The following PATE1 variants were observed in gnomAD, a reference collection of about 807,000 sequenced individuals.
PATE1 encodes the protein prostate and testis expressed 1.
PATE1 carries 21 observed loss-of-function variants against 13.1 expected under a neutral mutation model. The ratio of observed to expected loss-of-function variants is 1.61; its 90% CI spans 1.14 to 2.31. The LOEUF (loss-of-function observed/expected upper bound fraction) is 2.31. PATE1 is among the 30% of genes most tolerant of loss of function. The pLI is 0.00. For missense variants in PATE1, 166 were observed against 147.2 expected (o/e 1.13, Z -0.66); for synonymous variants, 52 against 47.1 (o/e 1.10, Z -0.43).
intron 4 of PATE1, 99 bp from the exon 5 acceptor site, chr11:125,748,501 C>T: frequency 7.2e-7 from 1 of 1,392,858 alleles, no homozygotes; most frequent in Non-Finnish European, 9.7e-7. Flanking sequence ...CTTTGAACTA[C>T]ACAAGATTAT....
chr11:125,747,144 T>C (rs533117926), intron 2 of PATE1, among the ~76,000 whole-genome samples: 2 of 152,170 alleles, frequency 1.3e-5, no homozygotes, highest in Non-Finnish European at 2.9e-5. Flanking sequence ...CTGCATCCTA[T>C]AGGAATGGGT....
At position 125,748,890 on chromosome 11, in the gene PATE1, C is replaced by G; in HGVS notation, c.*157C>G. 2.3e-6 allele frequency: 2 copies of G among 868,312 alleles called. No homozygotes were observed. The highest frequency in any genetic ancestry group is 3.4e-6 in the Non-Finnish European group (2 of 586,320). The allele number at this position is 868,312 out of a possible 1,614,324, so 53.8% of individuals were successfully genotyped here. A position where few individuals can be genotyped will look rare whatever the true frequency, so the allele number is the denominator to read the frequency against. On this transcript the variant is annotated 3_prime_UTR_variant, in exon 5 of 5. Coordinates refer to ENST00000305738, the MANE Select transcript of PATE1 (RefSeq NM_138294.3). The stretch of plus-strand genomic sequence containing the variant: ...CATCTTCTGCACACGAAAGGAAAGT[C>G]CCTCTCCTTTTCTACAGTCTCTGTC...
In PATE1 at chr11:125,748,607, T is replaced by C. The variant is rs1291000250; in HGVS notation, c.255T>C (p.Gly85=). ...CMVGRMFKRD[G]NPWLTFMGCL... ...TTTTTCTCCCCTCCACAGGGGATGG[T>C]AATCCCTGGTTAACCTTCATGGGCT... The change falls in exon 5 of 5, where the codon GGT becomes GGC. Residue 85 remains glycine, a synonymous_variant. Transcript: ENST00000305738. 5.6e-6 allele frequency: 9 copies of C among 1,613,514 alleles called. No individual in the cohort carries two copies. Among genetic ancestry groups the C allele is most frequent in the Non-Finnish European group, 7.6e-6 (9 of 1,179,796 alleles).
At chr11:125,747,041 C>T (rs931708396) in intron 2 of PATE1, among the ~76,000 whole-genome samples, 16 of 152,128 alleles carry the variant, frequency 1.1e-4, no homozygotes, top group Admixed American at 3.9e-4. Context: ...AGATTCCAGG[C>T]ACCCACAGGT....
intron 3 of PATE1, 81 bp from the exon 4 acceptor site, chr11:125,747,619 C>T: frequency 6.3e-7 from 1 of 1,583,322 alleles, no homozygotes; most frequent in Non-Finnish European, 8.6e-7. Context: ...TCTAGGCAGA[C>T]TTCTAACCCA....
In PATE1 at chr11:125,746,442, T is replaced by C. The variant is rs1258051751; in HGVS notation, c.52+86T>C. 5 of 1,458,768 alleles carry C rather than the reference T, an allele frequency of 3.4e-6. No individual in the cohort carries two copies. The East Asian group carries it at 9.1e-5, about 27-fold the overall frequency. The allele number at this position is 1,458,768 out of a possible 1,614,324, so 90.4% of individuals were successfully genotyped here. On this transcript the variant is annotated intron_variant, in intron 1 of 4. Transcript: ENST00000305738. ...CATGACAGAGGCCTTCTCATGGGAGTCCTATGGCAACTGAAGCATGATGAG... is the reference window on the plus strand; with the variant it reads ...CATGACAGAGGCCTTCTCATGGGAGCCCTATGGCAACTGAAGCATGATGAG...
At position 125,749,262 on chromosome 11, in the gene PATE1, C is replaced by T. The variant is rs1943309224; in HGVS notation, c.*529C>T. On this transcript the variant is annotated 3_prime_UTR_variant, in exon 5 of 5. Coordinates refer to ENST00000305738, the MANE Select transcript of PATE1 (RefSeq NM_138294.3). Reference sequence around the variant, plus strand: ...TGGAGTTTGTTCATGAATGCTGATCCCAGGGTGAGGAGAAGATTGGGACAT... The same window carrying T: ...TGGAGTTTGTTCATGAATGCTGATCTCAGGGTGAGGAGAAGATTGGGACAT... 1 of 152,106 alleles carries T rather than the reference C, an allele frequency of 6.6e-6. No individual in the cohort carries two copies. The highest frequency in any genetic ancestry group is 1.5e-5 in the Non-Finnish European group (1 of 68,110). The allele number at this position is 152,106 out of a possible 1,614,324, so 9.4% of individuals were successfully genotyped here.
At chr11:125,747,581 T>G (rs1943284655) in intron 3 of PATE1, 119 bp from the exon 4 acceptor site, 8 of 1,486,096 alleles carry the variant, frequency 5.4e-6, no homozygotes. Flanking sequence ...AGGTTCACGC[T>G]TGATGGGCTC....
Position 125,747,803 on chromosome 11 carries a change from G to A in PATE1, c.228G>A (p.Met76Ile), listed in dbSNP as rs1414532073. 1.2e-6 allele frequency: 2 copies of A among 1,613,720 alleles called. No individual in the cohort carries two copies. Among genetic ancestry groups the A allele is most frequent in the Non-Finnish European group, 1.7e-6 (2 of 1,179,806 alleles). Residue 76 changes from methionine (M) to isoleucine (I), a missense_variant, in exon 4 of 5, where the codon ATG becomes ATA. Physicochemically the swap from Met to Ile is conservative, Grantham distance 10 (BLOSUM62 1). Coordinates refer to ENST00000305738, the MANE Select transcript of PATE1 (RefSeq NM_138294.3). The stretch of plus-strand genomic sequence containing the variant: ...CAGCAACAACAGAAGAGGCCTGCAT[G>A]GTTGGAAGGATGTTCAAAAGTAAGT... ...ICTATTEEAC[M>I]VGRMFKRDGN... is the part of the protein sequence containing the mutation.
chr11:125,748,706 C>A lies in PATE1; in HGVS notation c.354C>A (p.Ser118Arg), dbSNP rs1943302735. ...TGGTGAACTTCAGGTGCTGCAGGAGCCATGACCTGTGCAATGAAGACCTTT... is the reference window on the plus strand; with the variant it reads ...TGGTGAACTTCAGGTGCTGCAGGAGACATGACCTGTGCAATGAAGACCTTT... ...VYLVNFRCCR[S>R]HDLCNEDL is the part of the protein sequence containing the mutation. The change falls in exon 5 of 5, where the codon AGC (serine) becomes AGA (arginine). Residue 118 changes from serine to arginine, a missense_variant. By Grantham distance (110) the Ser-to-Arg change is moderately radical. Transcript: ENST00000305738. 5.0e-6 allele frequency: 8 copies of A among 1,613,696 alleles called. No individual in the cohort carries two copies. Among genetic ancestry groups the A allele is most frequent in the African/African-American group, 1.3e-5 (1 of 74,852 alleles).
At position 125,746,494 on chromosome 11, in the gene PATE1, C is replaced by A. The variant is rs1943272872; in HGVS notation, c.52+138C>A. 5 of 1,286,686 alleles carry A rather than the reference C, an allele frequency of 3.9e-6. 1 individual carries two copies. The Admixed American group carries it at 7.3e-5, about 19-fold the overall frequency. The allele number at this position is 1,286,686 out of a possible 1,614,324, so 79.7% of individuals were successfully genotyped here. On this transcript the variant is annotated intron_variant, in intron 1 of 4. Transcript: ENST00000305738. ...TTCTGTTCTAATGTTATGCCTTCTA[C>A]CAGGGGTATGTCATGTCCCCAGGAC...
chr11:125,748,722 G>A lies in PATE1; in HGVS notation c.370G>A (p.Glu124Lys), dbSNP rs1384852833. Residue 124 changes from glutamate (E) to lysine (K), a missense_variant, in exon 5 of 5, where the codon GAA becomes AAA. Glu to Lys is a moderately conservative substitution (Grantham distance 56). Coordinates refer to ENST00000305738, the MANE Select transcript of PATE1 (RefSeq NM_138294.3). ...CTGCAGGAGCCATGACCTGTGCAAT[G>A]AAGACCTTTAGAAGTTAATGGTTCT... Reference protein sequence around the residue: ...RCCRSHDLCNEDL With the variant: ...RCCRSHDLCNKDL The A allele has an allele frequency of 4.3e-6, 7 of 1,613,516 alleles. No homozygotes were observed. In the East Asian group the frequency reaches 1.1e-4, roughly 26 times the overall value.
rs1023266883 is a variant in PATE1 at position 125,749,765 on chromosome 11, C to A, written c.*1032C>A. 3.3e-5 allele frequency: 5 copies of A among 151,912 alleles called. No homozygotes were observed. In the South Asian group the frequency reaches 1.0e-3, roughly 32 times the overall value. The allele number at this position is 151,912 out of a possible 1,614,324, so 9.4% of individuals were successfully genotyped here. A position where few individuals can be genotyped will look rare whatever the true frequency, so the allele number is the denominator to read the frequency against. On this transcript the variant is annotated 3_prime_UTR_variant, in exon 5 of 5. Transcript: ENST00000305738. ...CACAAGGGTAGAGGCTGATTTCTAACGAAACTTGTAGAATGAAGCCTGGAA... is the reference window on the plus strand; with the variant it reads ...CACAAGGGTAGAGGCTGATTTCTAAAGAAACTTGTAGAATGAAGCCTGGAA...
rs753363585 is a variant in PATE1, at chr11:125,748,751, G to A, written c.*18G>A. On this transcript the variant is annotated 3_prime_UTR_variant, in exon 5 of 5. Coordinates refer to ENST00000305738, the MANE Select transcript of PATE1 (RefSeq NM_138294.3). Reference sequence around the variant, plus strand: ...ACCTTTAGAAGTTAATGGTTCTTCTGTGACTCCAATTTCTGGGTGAGGTTG... The same window carrying A: ...ACCTTTAGAAGTTAATGGTTCTTCTATGACTCCAATTTCTGGGTGAGGTTG... 6.2e-7 allele frequency: 1 copy of A among 1,608,216 alleles called. No individual in the cohort carries two copies. Among genetic ancestry groups the A allele is most frequent in the African/African-American group, 1.3e-5 (1 of 74,688 alleles).
In PATE1 at chr11:125,746,670, G is replaced by T; in HGVS notation, c.62G>T (p.Gly21Val). 6.2e-7 allele frequency: 1 copy of T among 1,613,756 alleles called. No homozygotes were observed. The highest frequency in any genetic ancestry group is 8.5e-7 in the Non-Finnish European group (1 of 1,179,818). ...TTTTTTTTTCCAACAGCATTATCTG[G>T]ATCACTTTCAATGAGAAATGATGCA... ...ILLCCFRALS[G>V]SLSMRNDAVN... is the part of the protein sequence containing the mutation. The change falls in exon 2 of 5, where the codon GGA becomes GTA. Residue 21 changes from glycine to valine, a missense_variant. Coordinates refer to ENST00000305738, the MANE Select transcript of PATE1 (RefSeq NM_138294.3).
intron 4 of PATE1, 123 bp from the exon 5 acceptor site, chr11:125,748,477 T>C: frequency 8.3e-7 from 1 of 1,203,418 alleles, no homozygotes; most frequent in Non-Finnish European, 1.1e-6. Context: ...GTTCTTTACA[T>C]TTGAATAACG....
chr11:125,746,308 G>A lies in PATE1; in HGVS notation c.4G>A (p.Asp2Asn), dbSNP rs777620396. The A allele has an allele frequency of 2.5e-6, 4 of 1,613,868 alleles. No individual in the cohort carries two copies. The East Asian group carries it at 8.9e-5, about 36-fold the overall frequency. Residue 2 changes from aspartate (D) to asparagine (N), a missense_variant, in exon 1 of 5, where the codon GAC becomes AAC. Coordinates refer to ENST00000305738, the MANE Select transcript of PATE1 (RefSeq NM_138294.3). The stretch of plus-strand genomic sequence containing the variant: ...CCTGGCCCTCCCTCTTTCCAAAATG[G>A]ACAAGTCCCTCTTGCTGGAACTCCC... The part of the protein sequence containing the change: M[D>N]KSLLLELPIL...
intron 2 of PATE1, 36 bp from the exon 3 acceptor site, chr11:125,747,340 C>T: frequency 6.2e-7 from 1 of 1,600,964 alleles, no homozygotes; most frequent in South Asian, 1.1e-5. Context: ...ATCTCAGGCA[C>T]ATTTCAGATG....
rs1943312742 is a variant in PATE1, at chr11:125,749,653, C to T, written c.*920C>T. On this transcript the variant is annotated 3_prime_UTR_variant, in exon 5 of 5. Coordinates refer to ENST00000305738, the MANE Select transcript of PATE1 (RefSeq NM_138294.3). ...CCCATGACCCCAGATGCCTCTCCCA[C>T]CCTTACCTCCATCTCACACACTTGA... The T allele has an allele frequency of 1.3e-5, 2 of 152,082 alleles. No homozygotes were observed. Among genetic ancestry groups the T allele is most frequent in the Non-Finnish European group, 2.9e-5 (2 of 68,030 alleles). The allele number at this position is 152,082 out of a possible 1,614,324, so 9.4% of individuals were successfully genotyped here.
Sources: gnomAD v4.1 joint callset for allele counts (sites outside exome capture counted in the v4.1 genomes callset) on GRCh38, gnomAD v4.1.1 for gene constraint, MANE v1.5 for transcripts, NCBI Gene and HGNC (gene_info 2026-07-23, HGNC 2026-07-21) for gene names.